Variants in GNG2 observed in about 807,000 individuals in gnomAD.
The protein encoded by GNG2 is guanine nucleotide-binding protein G(I)/G(S)/G(O) subunit gamma-2.
A neutral mutation model predicts 5.5 loss-of-function variants in GNG2; 5 were observed. The ratio of observed to expected loss-of-function variants is 0.91; its 90% CI spans 0.48 to 1.92. GNG2 has a LOEUF of 1.92. Among genes scored for constraint, GNG2 ranks in the 30% most tolerant of loss-of-function variants. The probability of loss-of-function intolerance (pLI) is 0.01; values close to 1 mark genes in which losing one functional copy is unlikely to be tolerated. For missense variants in GNG2, 55 were observed against 88.4 expected (o/e 0.62, Z 1.52); for synonymous variants, 28 against 32.0 (o/e 0.88, Z 0.42).
In GNG2 at chr14:51,896,917, A is replaced by G. The variant is rs1441992576; in HGVS notation, c.-30+19260A>G. On this transcript the variant is annotated intron_variant, in intron 2 of 3. Coordinates refer to ENST00000556766, the MANE Select transcript of GNG2 (RefSeq NM_053064.5). ...AAATAGAATAATGTGTCATTATTGAACATAACATAAAGCCAAAAAAGATGA... is the reference window on the plus strand; with the variant it reads ...AAATAGAATAATGTGTCATTATTGAGCATAACATAAAGCCAAAAAAGATGA... Among the ~76,000 whole-genome samples the G allele has an allele frequency of 1.3e-5, 2 of 152,242 alleles. 1 individual carries two copies. The highest frequency in any genetic ancestry group is 4.1e-4 in the South Asian group (2 of 4,836).
chr14:51,887,193 GTCAACC>G lies in GNG2; in HGVS notation c.-30+9542_-30+9547del, dbSNP rs569393044. On this transcript the variant is annotated intron_variant, in intron 2 of 3. Transcript: ENST00000556766. ...TGCTTTCCTTATTCAGAGACAGGAT[GTCAACC>G]TCAACTTACGGTTCAAGTTTGCTAC... Among the ~76,000 whole-genome samples the G allele has an allele frequency of 1.4e-3, 206 of 152,262 alleles. 1 individual carries two copies. Among genetic ancestry groups the G allele is most frequent in the African/African-American group, 4.8e-3 (201 of 41,540 alleles).
intron 2 of GNG2, among the ~76,000 whole-genome samples, chr14:51,827,995 C>T (rs756430336): frequency 3.9e-5 from 6 of 152,252 alleles, no homozygotes; most frequent in Non-Finnish European, 5.9e-5. Flanking sequence ...GGGTTGTAGA[C>T]GGTTGGGGGA....
chr14:51,968,836 T>C lies in GNG2; in HGVS notation c.*2149T>C, dbSNP rs1890068560. ...AGGCATCATTAGAAGGCCCAGACGATTTCCACTATTCACAGCATTTCCTTT... is the reference window on the plus strand; with the variant it reads ...AGGCATCATTAGAAGGCCCAGACGACTTCCACTATTCACAGCATTTCCTTT... On this transcript the variant is annotated 3_prime_UTR_variant, in exon 4 of 4. Coordinates refer to ENST00000556766, the MANE Select transcript of GNG2 (RefSeq NM_053064.5). The C allele has an allele frequency of 1.3e-5, 2 of 152,198 alleles. No homozygotes were observed. Among genetic ancestry groups the C allele is most frequent in the South Asian group, 4.2e-4 (2 of 4,814 alleles). The allele number at this position is 152,198 out of a possible 1,614,324, so 9.4% of individuals were successfully genotyped here. A position where few individuals can be genotyped will look rare whatever the true frequency, so the allele number is the denominator to read the frequency against.
chr14:51,959,181 T>A (rs1889448959), intron 3 of GNG2, among the ~76,000 whole-genome samples: 1 of 152,170 alleles, frequency 6.6e-6, no homozygotes, highest in Non-Finnish European at 1.5e-5. Flanking sequence ...TTCTTGGTGA[T>A]CTTGTTAGTT....
intron 2 of GNG2, among the ~76,000 whole-genome samples, chr14:51,921,920 T>G (rs1887035482): frequency 6.6e-6 from 1 of 152,226 alleles, no homozygotes; most frequent in Admixed American, 6.5e-5. Flanking sequence ...ATAAACAGCA[T>G]CATTTTCTCT....
chr14:51,883,610 T>C (rs1262467535), intron 2 of GNG2, among the ~76,000 whole-genome samples: 1 of 152,210 alleles, frequency 6.6e-6, no homozygotes, highest in African/African-American at 2.4e-5. Context: ...TTTATGAGTT[T>C]AAAATCATAT....
chr14:51,829,586 A>T (rs959036427), intron 2 of GNG2, among the ~76,000 whole-genome samples: 2 of 152,020 alleles, frequency 1.3e-5, no homozygotes, highest in African/African-American at 4.8e-5. Flanking sequence ...CCCTATCTTG[A>T]TCCCATATTG....
intron 2 of GNG2, among the ~76,000 whole-genome samples, chr14:51,912,764 TTGTG>T (rs1886368955): frequency 1.3e-5 from 2 of 151,734 alleles, no homozygotes; most frequent in Admixed American, 6.6e-5. Flanking sequence ...GTGAACAACA[TTGTG>T]TGGGCAGTCC....
chr14:51,920,892 G>A (rs1281173791), intron 2 of GNG2, among the ~76,000 whole-genome samples: 1 of 152,172 alleles, frequency 6.6e-6, no homozygotes, highest in Non-Finnish European at 1.5e-5. Context: ...GAGAACCTGA[G>A]TTCTTTGGGT....
upstream of GNG2, among the ~76,000 whole-genome samples, chr14:51,856,224 G>T (rs1036756151): frequency 9.2e-5 from 14 of 152,082 alleles, no homozygotes; most frequent in African/African-American, 3.4e-4. Flanking sequence ...CATGGCGGGG[G>T]AGGAGAGAGA....
intron 2 of GNG2, among the ~76,000 whole-genome samples, chr14:51,938,188 A>G (rs994141985): frequency 1.3e-4 from 20 of 152,208 alleles, no homozygotes; most frequent in African/African-American, 4.8e-4. Flanking sequence ...ATTCCAAAAA[A>G]GGATTCACCA....
At chr14:51,897,256 G>C (rs7148451) in intron 2 of GNG2, among the ~76,000 whole-genome samples, 31 of 152,230 alleles carry the variant, frequency 2.0e-4, no homozygotes, top group African/African-American at 7.5e-4. Flanking sequence ...AATCTAGGCT[G>C]AATACGGTAG....
At chr14:51,952,339 AC>A (rs1889025511) in intron 3 of GNG2, among the ~76,000 whole-genome samples, 1 of 152,308 alleles carries the variant, frequency 6.6e-6, no homozygotes, top group South Asian at 2.1e-4. Flanking sequence ...AAGCGACCTT[AC>A]CGTGCTCCTT....
intron 2 of GNG2, among the ~76,000 whole-genome samples, chr14:51,836,723 T>A (rs1881340548): frequency 6.6e-6 from 1 of 151,850 alleles, no homozygotes; most frequent in Non-Finnish European, 1.5e-5. Context: ...AAAAAAAAAA[T>A]CATAAGGCAA....
intron 2 of GNG2, among the ~76,000 whole-genome samples, chr14:51,901,861 A>G (rs970737615): frequency 8.6e-5 from 13 of 150,564 alleles, no homozygotes; most frequent in African/African-American, 3.2e-4. Context: ...GCAGACTGTC[A>G]GTATAACAGT....
intron 2 of GNG2, among the ~76,000 whole-genome samples, chr14:51,944,233 A>G (rs1443685113): frequency 6.6e-6 from 1 of 152,180 alleles, no homozygotes; most frequent in African/African-American, 2.4e-5. Context: ...GCAATTGACA[A>G]GGTGGCTTAA....
intron 2 of GNG2, among the ~76,000 whole-genome samples, chr14:51,950,305 C>T (rs1384095315): frequency 1.3e-5 from 2 of 152,142 alleles, no homozygotes; most frequent in African/African-American, 4.8e-5. Flanking sequence ...ACTGAAAAGC[C>T]AAGCCTCCCA....
chr14:51,886,678 T>A (rs1884479780), intron 2 of GNG2, among the ~76,000 whole-genome samples: 1 of 152,156 alleles, frequency 6.6e-6, no homozygotes, highest in African/African-American at 2.4e-5. Flanking sequence ...AGTGGAGCTG[T>A]GGCCTCCAGG....
chr14:51,841,031 C>G (rs917785650), intron 2 of GNG2, among the ~76,000 whole-genome samples: 1 of 151,964 alleles, frequency 6.6e-6, no homozygotes, highest in Non-Finnish European at 1.5e-5. Context: ...GAGGAGTGAC[C>G]ACAAATGCAT....
Sources: allele counts gnomAD v4.1 joint callset (sites outside exome capture counted in the v4.1 genomes callset), GRCh38; gene constraint gnomAD v4.1.1; transcripts MANE v1.5; gene names NCBI Gene and HGNC (gene_info 2026-07-23, HGNC 2026-07-21).